The following CNTLN variants were observed in gnomAD, a reference collection of about 807,000 sequenced individuals.
CNTLN encodes the protein centlein.
CNTLN carries 212 observed loss-of-function variants against 180.0 expected under a neutral mutation model. That is an observed-to-expected ratio of 1.18 (90% confidence interval 1.05 to 1.32). CNTLN has a LOEUF of 1.32. Among genes scored for constraint, CNTLN ranks in the 40% most tolerant of loss-of-function variants. CNTLN has a pLI of 0.00. For missense variants in CNTLN, 2,095 were observed against 1,610.9 expected (o/e 1.30, Z -5.14); for synonymous variants, 722 against 563.1 (o/e 1.28, Z -3.99).
Position 17,366,734 on chromosome 9 carries a change from T to G in CNTLN, c.1987+17T>G. 1 of 1,301,720 alleles carries G rather than the reference T, an allele frequency of 7.7e-7. No individual in the cohort carries two copies. The highest frequency in any genetic ancestry group is 1.1e-6 in the Non-Finnish European group (1 of 917,658). 80.6% of individuals were successfully genotyped at this position (1,301,720 alleles called of 1,614,324 possible). A position where few individuals can be genotyped will look rare whatever the true frequency, so the allele number is the denominator to read the frequency against. Reference sequence around the variant, plus strand: ...GAAGAGAAGGTAAATTTTCAGAAAATAAATACTTAACAGAGGAATTTTAAA... The same window carrying G: ...GAAGAGAAGGTAAATTTTCAGAAAAGAAATACTTAACAGAGGAATTTTAAA... On this transcript the variant is annotated intron_variant, in intron 13 of 25. Transcript: ENST00000380647.
intron 15 of CNTLN, among the ~76,000 whole-genome samples, chr9:17,398,180 T>C (rs980454116): frequency 7.2e-5 from 11 of 152,044 alleles, no homozygotes; most frequent in Admixed American, 7.2e-4. Context: ...AGAAGAAAAA[T>C]AGAATTTCAG....
chr9:17,330,522 C>T (rs757580437), intron 8 of CNTLN, 110 bp from the exon 9 acceptor site: 12 of 571,664 alleles, frequency 2.1e-5, no homozygotes, highest in Non-Finnish European at 3.3e-5. Flanking sequence ...AAATTTCCTT[C>T]TCTGAATATT....
At chr9:17,343,449 C>G (rs1320610481) in intron 12 of CNTLN, among the ~76,000 whole-genome samples, 1 of 152,060 alleles carries the variant, frequency 6.6e-6, no homozygotes, top group Non-Finnish European at 1.5e-5. Flanking sequence ...ACATGTATAA[C>G]TTTTGTTTAC....
In CNTLN at chr9:17,487,020, A is replaced by AC; in HGVS notation, c.4073_4074insC (p.Asp1359Ter). ...GAAAAAACAAAAATTGATGCTGAAAATGACAAGGAATGGATGTTGTACATT... is the reference window on the plus strand; with the variant it reads ...GAAAAAACAAAAATTGATGCTGAAAACTGACAAGGAATGGATGTTGTACATT... On this transcript the variant is annotated frameshift_variant, in exon 25 of 26. Transcript: ENST00000380647. LOFTEE classifies it high-confidence loss of function. The AC allele has an allele frequency of 1.3e-6, 2 of 1,580,956 alleles. No individual in the cohort carries two copies. Among genetic ancestry groups the AC allele is most frequent in the Non-Finnish European group, 1.7e-6 (2 of 1,170,620 alleles).
intron 2 of CNTLN, among the ~76,000 whole-genome samples, chr9:17,151,957 T>C (rs80147919): frequency 6.6e-6 from 1 of 152,216 alleles, no homozygotes; most frequent in African/African-American, 2.4e-5. Flanking sequence ...TAGAGGTGTT[T>C]ATAGTATTCT....
At chr9:17,466,643 A>G in intron 22 of CNTLN, 63 bp from the exon 23 acceptor site, 1 of 1,349,322 alleles carries the variant, frequency 7.4e-7, no homozygotes, top group Middle Eastern at 1.8e-4. Context: ...TGACATGTAT[A>G]ACTAACTCTT....
At chr9:17,481,367 C>T (rs893111476) in intron 23 of CNTLN, among the ~76,000 whole-genome samples, 61 of 152,308 alleles carry the variant, frequency 4.0e-4, no homozygotes, top group Middle Eastern at 3.4e-3. Flanking sequence ...GGAGCTCAAG[C>T]GCAGAGCACA....
intron 5 of CNTLN, among the ~76,000 whole-genome samples, chr9:17,249,700 G>T (rs1356794496): frequency 6.6e-6 from 1 of 151,596 alleles, no homozygotes; most frequent in Admixed American, 6.6e-5. Context: ...TTTCCCTTCT[G>T]CTGTGGATTT....
At chr9:17,332,819 C>G (rs1421994893) in intron 10 of CNTLN, 89 bp downstream of exon 10, 4 of 1,042,344 alleles carry the variant, frequency 3.8e-6, no homozygotes, top group South Asian at 5.2e-5. Flanking sequence ...ACTAGTTGTC[C>G]TTTTTCTTTC....
chr9:17,373,034 C>A (rs1428502104), intron 13 of CNTLN, among the ~76,000 whole-genome samples: 1 of 152,104 alleles, frequency 6.6e-6, no homozygotes, highest in African/African-American at 2.4e-5. Context: ...CATATTGAAT[C>A]AGGAAAAACT....
At chr9:17,446,214 C>T (rs996677625) in intron 18 of CNTLN, among the ~76,000 whole-genome samples, 9 of 152,104 alleles carry the variant, frequency 5.9e-5, no homozygotes, top group African/African-American at 1.4e-4. Context: ...GCTGGTTCCC[C>T]GGGTCCCCTT....
At position 17,310,197 on chromosome 9, in the gene CNTLN, G is replaced by A. The variant is rs144556671; in HGVS notation, c.1341+945G>A. On this transcript the variant is annotated intron_variant, in intron 8 of 25. Coordinates refer to ENST00000380647, the MANE Select transcript of CNTLN (RefSeq NM_017738.4). ...CATTACAAATGGCTTACATCCACTT[G>A]TATGTGCTTTGATTCTCTTACAAGA... Among the ~76,000 whole-genome samples the A allele has an allele frequency of 5.0e-3, 756 of 152,120 alleles. 4 individuals carry two copies. Among genetic ancestry groups the A allele is most frequent in the African/African-American group, 0.017 (703 of 41,514 alleles).
intron 12 of CNTLN, among the ~76,000 whole-genome samples, chr9:17,351,311 C>A (rs1822341352): frequency 6.6e-6 from 1 of 152,142 alleles, no homozygotes; most frequent in South Asian, 2.1e-4. Flanking sequence ...TGATTTTAGT[C>A]ATTTCTTGCC....
At chr9:17,230,217 G>A (rs1310273524) in intron 3 of CNTLN, among the ~76,000 whole-genome samples, 1 of 152,158 alleles carries the variant, frequency 6.6e-6, no homozygotes, top group East Asian at 1.9e-4. Flanking sequence ...GCTGTGATTG[G>A]CTGAGACTCG....
intron 5 of CNTLN, among the ~76,000 whole-genome samples, chr9:17,249,238 AT>A (rs1249132823): frequency 1.3e-5 from 2 of 151,798 alleles, no homozygotes; most frequent in Non-Finnish European, 2.9e-5. Flanking sequence ...GAGCAACTGC[AT>A]TTGCTACATG....
intron 8 of CNTLN, among the ~76,000 whole-genome samples, chr9:17,312,365 T>TA (rs1563984868): frequency 6.9e-4 from 5 of 7,214 alleles, no homozygotes; most frequent in African/African-American, 1.1e-3. Context: ...ATATATATAT[T>TA]ATATATATAT....
chr9:17,197,765 TTTGG>T (rs1822230262), intron 2 of CNTLN, among the ~76,000 whole-genome samples: 1 of 152,216 alleles, frequency 6.6e-6, no homozygotes, highest in Non-Finnish European at 1.5e-5. Context: ...CCATTTTTGC[TTTGG>T]TTGCCTGTGC....
At chr9:17,477,656 C>A (rs1832423540) in intron 23 of CNTLN, among the ~76,000 whole-genome samples, 1 of 152,070 alleles carries the variant, frequency 6.6e-6, no homozygotes, top group South Asian at 2.1e-4. Flanking sequence ...AAATGGAGCC[C>A]AATATGTGAC....
chr9:17,371,604 T>G (rs1369211567), intron 13 of CNTLN, among the ~76,000 whole-genome samples: 1 of 152,168 alleles, frequency 6.6e-6, no homozygotes, highest in African/African-American at 2.4e-5. Context: ...TAATTTGTAC[T>G]GTAGACCAAA....
Sources: allele counts gnomAD v4.1 joint callset (sites outside exome capture counted in the v4.1 genomes callset), GRCh38; gene constraint gnomAD v4.1.1; transcripts MANE v1.5; gene names NCBI Gene and HGNC (gene_info 2026-07-23, HGNC 2026-07-21).